Variants in ARNT2 observed in about 807,000 individuals in gnomAD.
ARNT2 encodes the protein aryl hydrocarbon receptor nuclear translocator 2, also known as ARNT protein 2.
A neutral mutation model predicts 91.7 loss-of-function variants in ARNT2; 36 were observed. The ratio of observed to expected loss-of-function variants is 0.39; its 90% CI spans 0.30 to 0.52. The LOEUF is 0.52. Among genes scored for constraint, ARNT2 ranks in the 20% least tolerant of loss-of-function variants. ARNT2 has a pLI of 0.72. For missense variants in ARNT2, 775 were observed against 939.3 expected (o/e 0.83, Z 2.29); for synonymous variants, 365 against 347.1 (o/e 1.05, Z -0.57).
intron 12 of ARNT2, among the ~76,000 whole-genome samples, chr15:80,563,809 A>G (rs556842431): frequency 2.0e-5 from 3 of 152,322 alleles, no homozygotes; most frequent in African/African-American, 7.2e-5. Context: ...TGTTCCATGC[A>G]TGTTAGCAGA....
intron 7 of ARNT2, 22 bp downstream of exon 7, chr15:80,513,998 T>G (rs1002322971): frequency 1.3e-6 from 2 of 1,599,188 alleles, no homozygotes; most frequent in Non-Finnish European, 1.7e-6. Context: ...TTCCGATGTA[T>G]ATTTTGGGAC....
chr15:80,508,382 C>T (rs181687818), intron 6 of ARNT2, 124 bp downstream of exon 6: 18 of 824,398 alleles, frequency 2.2e-5, no homozygotes, highest in Non-Finnish European at 3.2e-5. Context: ...CCAGGGACTT[C>T]GTCTTCTTGA....
chr15:80,579,222 C>A (rs1898746091), intron 15 of ARNT2, among the ~76,000 whole-genome samples: 1 of 152,138 alleles, frequency 6.6e-6, no homozygotes, highest in Non-Finnish European at 1.5e-5. Context: ...TGGAGAGGGT[C>A]CTACTAGACA....
At chr15:80,454,007 C>T (rs1365307859) in intron 2 of ARNT2, among the ~76,000 whole-genome samples, 3 of 152,308 alleles carry the variant, frequency 2.0e-5, no homozygotes, top group East Asian at 1.9e-4. Context: ...CCAGGCCTCC[C>T]GCCGGGCCTA....
Position 80,594,513 on chromosome 15 carries a change from C to T in ARNT2, c.*815C>T, listed in dbSNP as rs1596030255. ...CAGGAGGCACAGCTAGGGGCATGCT[C>T]ACATGGGTAGGTCAGTTCTTTGGTC... On this transcript the variant is annotated 3_prime_UTR_variant, in exon 19 of 19. Coordinates refer to ENST00000303329, the MANE Select transcript of ARNT2 (RefSeq NM_014862.4). 6.6e-6 allele frequency: 1 copy of T among 152,316 alleles called. No homozygotes were observed. Among genetic ancestry groups the T allele is most frequent in the African/African-American group, 2.4e-5 (1 of 41,454 alleles). 9.4% of individuals were successfully genotyped at this position (152,316 alleles called of 1,614,324 possible).
At chr15:80,544,680 G>A (rs930187625) in intron 8 of ARNT2, among the ~76,000 whole-genome samples, 2 of 152,114 alleles carry the variant, frequency 1.3e-5, no homozygotes, top group Admixed American at 1.3e-4. Context: ...GGATGTGAAA[G>A]GCCTCTGTAA....
chr15:80,477,239 T>C (rs938972200), intron 5 of ARNT2, among the ~76,000 whole-genome samples: 1 of 152,178 alleles, frequency 6.6e-6, no homozygotes, highest in Admixed American at 6.5e-5. Flanking sequence ...GTTTATACAA[T>C]GGGAGAACAG....
At chr15:80,441,591 A>G (rs1364982937) in intron 1 of ARNT2, among the ~76,000 whole-genome samples, 1 of 152,190 alleles carries the variant, frequency 6.6e-6, no homozygotes, top group Non-Finnish European at 1.5e-5. Flanking sequence ...TTTTTTCCCA[A>G]TGTAAAGATC....
In ARNT2 at chr15:80,576,962, T is replaced by A; in HGVS notation, c.1610T>A (p.Phe537Tyr). The A allele has an allele frequency of 6.2e-7, 1 of 1,613,918 alleles. No individual in the cohort carries two copies. The highest frequency in any genetic ancestry group is 8.5e-7 in the Non-Finnish European group (1 of 1,179,970). Residue 537 changes from phenylalanine to tyrosine, a missense_variant, in exon 15 of 19, where the codon TTC becomes TAC. Transcript: ENST00000303329. ...CCCTCTGGACACTCCGGGAAGGCCT[T>A]CAGGTATGTGCCAGCGAGGGGGACA... ...PFPSGHSGKA[F>Y]SSSVVHVPGV...
chr15:80,555,333 G>A, intron 11 of ARNT2, 194 bp downstream of exon 11: 1 of 556,618 alleles, frequency 1.8e-6, no homozygotes. Flanking sequence ...TAAGTACTAT[G>A]TAATAGGAGG....
chr15:80,513,930 G>C lies in ARNT2; in HGVS notation c.745G>C (p.Asp249His), dbSNP rs760129814. The C allele has an allele frequency of 3.1e-6, 5 of 1,613,610 alleles. No individual in the cohort carries two copies. Among genetic ancestry groups the C allele is most frequent in the Non-Finnish European group, 4.2e-6 (5 of 1,179,642 alleles). The change falls in exon 7 of 19, where the codon GAC becomes CAC. Residue 249 changes from aspartate to histidine, a missense_variant. Transcript: ENST00000303329. ...CRMRCGNAPLDHLPLNRITTM... is the reference protein window; with the variant it reads ...CRMRCGNAPLHHLPLNRITTM... The stretch of plus-strand genomic sequence containing the variant: ...TCTTAGGTGTGGAAATGCTCCTTTG[G>C]ACCACCTTCCTCTAAACAGAATAAC...
chr15:80,415,898 C>T (rs1268605677), intron 1 of ARNT2, among the ~76,000 whole-genome samples: 1 of 152,066 alleles, frequency 6.6e-6, no homozygotes, highest in Non-Finnish European at 1.5e-5. Context: ...GTTTAAGGCA[C>T]CTTGAGCTCA....
At chr15:80,451,558 G>C (rs1302657858) in intron 2 of ARNT2, among the ~76,000 whole-genome samples, 1 of 152,198 alleles carries the variant, frequency 6.6e-6, no homozygotes, top group Non-Finnish European at 1.5e-5. Context: ...TCACTCTTGA[G>C]CAGATGGAAC....
intron 3 of ARNT2, among the ~76,000 whole-genome samples, chr15:80,464,287 C>T (rs1382814987): frequency 2.7e-5 from 4 of 148,240 alleles, no homozygotes; most frequent in African/African-American, 7.5e-5. Context: ...GCTTCCTCCT[C>T]TGGGGAAAGG....
chr15:80,526,647 C>G (rs1431497786), intron 8 of ARNT2, among the ~76,000 whole-genome samples: 1 of 152,194 alleles, frequency 6.6e-6, no homozygotes, highest in Non-Finnish European at 1.5e-5. Context: ...CGGGTGTTGG[C>G]TCCCTTGTGT....
intron 17 of ARNT2, among the ~76,000 whole-genome samples, chr15:80,585,888 G>A (rs1265702380): frequency 2.0e-5 from 3 of 152,216 alleles, no homozygotes; most frequent in African/African-American, 7.2e-5. Flanking sequence ...GCAGTACCTC[G>A]CTTGTCTCTC....
intron 11 of ARNT2, among the ~76,000 whole-genome samples, chr15:80,560,555 T>C (rs1454601250): frequency 6.6e-6 from 1 of 152,168 alleles, no homozygotes; most frequent in Admixed American, 6.5e-5. Flanking sequence ...GCTAGTTGCA[T>C]GGAGCTAACA....
At chr15:80,557,848 T>A (rs982728907) in intron 11 of ARNT2, among the ~76,000 whole-genome samples, 26 of 152,220 alleles carry the variant, frequency 1.7e-4, no homozygotes, top group African/African-American at 6.3e-4. Flanking sequence ...CTGCTTTTAC[T>A]CTTACTCTAC....
At position 80,595,920 on chromosome 15, in the gene ARNT2, A is replaced by G. The variant is rs1893367940; in HGVS notation, c.*2222A>G. 1 of 152,270 alleles carries G rather than the reference A, an allele frequency of 6.6e-6. No homozygotes were observed. The highest frequency in any genetic ancestry group is 2.4e-5 in the African/African-American group (1 of 41,480). The allele number at this position is 152,270 out of a possible 1,614,324, so 9.4% of individuals were successfully genotyped here. On this transcript the variant is annotated 3_prime_UTR_variant, in exon 19 of 19. Transcript: ENST00000303329. ...GGCACAAAAATAGGTTTTGGATCAAAGAAGTGTTTCTCAGTGAAATGAAAA... is the reference window on the plus strand; with the variant it reads ...GGCACAAAAATAGGTTTTGGATCAAGGAAGTGTTTCTCAGTGAAATGAAAA...
Sources: gnomAD v4.1 joint callset for allele counts (sites outside exome capture counted in the v4.1 genomes callset) on GRCh38, gnomAD v4.1.1 for gene constraint, MANE v1.5 for transcripts, NCBI Gene and HGNC (gene_info 2026-07-23, HGNC 2026-07-21) for gene names.